Variants in ASIC2 observed in about 807,000 individuals in gnomAD.
The protein encoded by ASIC2 is acid sensing ion channel subunit 2, also known as acid-sensing ion channel 2.
Under a neutral mutation model 57.3 loss-of-function variants are expected in ASIC2, and 25 were observed. The ratio of observed to expected loss-of-function variants is 0.44; its 90% CI spans 0.32 to 0.61. The LOEUF is 0.61. ASIC2 is among the 20% of genes least tolerant of loss of function. ASIC2 has a pLI of 0.06. For missense variants in ASIC2, 641 were observed against 738.1 expected (o/e 0.87, Z 1.52); for synonymous variants, 319 against 307.5 (o/e 1.04, Z -0.39).
chr17:33,376,540 G>A (rs1909283553), intron 1 of ASIC2, among the ~76,000 whole-genome samples: 1 of 152,108 alleles, frequency 6.6e-6, no homozygotes, highest in Non-Finnish European at 1.5e-5. Context: ...TTCTTTAGGT[G>A]TTTTATGCAT....
At chr17:34,120,051 T>C (rs1281570888) in intron 1 of ASIC2, 1 of 152,188 alleles carries the variant, frequency 6.6e-6, no homozygotes, top group African/African-American at 2.4e-5. Context: ...GCAATTGCAG[T>C]TTTTGTCATG....
chr17:33,291,669 C>G lies in ASIC2; in HGVS notation c.447G>C (p.Gly149=). The G allele has an allele frequency of 1.2e-6, 2 of 1,613,158 alleles. No homozygotes were observed. Among genetic ancestry groups the G allele is most frequent in the South Asian group, 2.2e-5 (2 of 91,048 alleles). ...GCCAGTGGCCGGCATAGTAGAGGTC[C>G]CCCTTGGAGAGGCGCGGGAAGCGCA... ...NPLRFPRLSK[G]DLYYAGHWLG... The change falls in exon 1 of 10, where the codon GGG becomes GGC. Residue 149 remains glycine, a synonymous_variant. Transcript: ENST00000225823.
intron 1 of ASIC2, among the ~76,000 whole-genome samples, chr17:33,199,487 C>T (rs1906768890): frequency 1.3e-5 from 2 of 152,154 alleles, no homozygotes; most frequent in Admixed American, 1.3e-4. Flanking sequence ...ACTGGGTACA[C>T]AAACTCTCTT....
At chr17:33,094,354 C>G (rs1381666125) in intron 2 of ASIC2, among the ~76,000 whole-genome samples, 1 of 152,180 alleles carries the variant, frequency 6.6e-6, no homozygotes. Context: ...CATAGTGTCT[C>G]TCTCTGGGTT....
At chr17:33,484,150 A>C (rs1386867571) in intron 1 of ASIC2, among the ~76,000 whole-genome samples, 1 of 152,274 alleles carries the variant, frequency 6.6e-6, no homozygotes, top group East Asian at 1.9e-4. Context: ...TCTGACCTCC[A>C]GAACTACAAC....
At chr17:33,808,730 T>A (rs1912336427) in intron 1 of ASIC2, among the ~76,000 whole-genome samples, 1 of 152,180 alleles carries the variant, frequency 6.6e-6, no homozygotes, top group Admixed American at 6.5e-5. Flanking sequence ...CTTGATACCC[T>A]CTACTAAGGC....
chr17:33,163,557 G>A (rs1905222820), intron 1 of ASIC2, among the ~76,000 whole-genome samples: 1 of 152,098 alleles, frequency 6.6e-6, no homozygotes. Flanking sequence ...GGCATACGAT[G>A]CCAAGTGATT....
At chr17:33,242,293 G>C (rs1597647317) in intron 1 of ASIC2, among the ~76,000 whole-genome samples, 2 of 150,946 alleles carry the variant, frequency 1.3e-5, no homozygotes, top group South Asian at 4.2e-4. Flanking sequence ...CTTCAGCCTG[G>C]GGACAGAGCG....
chr17:33,313,181 C>G (rs187775075), intron 1 of ASIC2, among the ~76,000 whole-genome samples: 19 of 151,902 alleles, frequency 1.3e-4, no homozygotes, highest in African/African-American at 4.3e-4. Context: ...AAAAAATTAG[C>G]CAGGCATAGT....
chr17:33,595,905 T>C (rs1168474635), intron 1 of ASIC2, among the ~76,000 whole-genome samples: 2 of 152,180 alleles, frequency 1.3e-5, no homozygotes, highest in Non-Finnish European at 2.9e-5. Context: ...GCTCTACTTA[T>C]TTTCTGGAGC....
chr17:33,423,808 C>T (rs1229976035), intron 1 of ASIC2, among the ~76,000 whole-genome samples: 1 of 152,226 alleles, frequency 6.6e-6, no homozygotes, highest in Non-Finnish European at 1.5e-5. Flanking sequence ...TGACACTGGT[C>T]AGTGTGTGGC....
At chr17:33,421,058 G>T (rs569846133) in intron 1 of ASIC2, among the ~76,000 whole-genome samples, 193 of 152,330 alleles carry the variant, frequency 1.3e-3, no homozygotes, top group African/African-American at 4.4e-3. Flanking sequence ...GAGCAGTGTA[G>T]TTTTGGTAGA....
chr17:33,526,085 C>A (rs186563882), intron 1 of ASIC2, among the ~76,000 whole-genome samples: 16 of 152,236 alleles, frequency 1.1e-4, no homozygotes, highest in Admixed American at 1.3e-4. Context: ...AGGAATTCAG[C>A]CCCAAGTAAA....
intron 1 of ASIC2, among the ~76,000 whole-genome samples, chr17:33,200,395 T>C (rs1259947899): frequency 6.6e-6 from 1 of 152,128 alleles, no homozygotes; most frequent in Non-Finnish European, 1.5e-5. Context: ...GCCCACTCCC[T>C]TAACCTCTCT....
intron 1 of ASIC2, among the ~76,000 whole-genome samples, chr17:33,129,904 G>T (rs953054438): frequency 2.0e-5 from 3 of 152,204 alleles, no homozygotes; most frequent in Non-Finnish European, 4.4e-5. Context: ...TTTGCAAATG[G>T]TCGTGGTTTT....
chr17:33,040,391 T>C (rs1347712669), intron 3 of ASIC2, among the ~76,000 whole-genome samples: 1 of 152,218 alleles, frequency 6.6e-6, no homozygotes, highest in African/African-American at 2.4e-5. Flanking sequence ...TGGCTGGTGG[T>C]GTGAGAAGAG....
chr17:33,701,952 A>G (rs573282171), intron 1 of ASIC2, among the ~76,000 whole-genome samples: 9 of 152,216 alleles, frequency 5.9e-5, no homozygotes, highest in Non-Finnish European at 1.2e-4. Context: ...TTCTGCAGAC[A>G]TAGAAGTTCT....
chr17:33,405,027 G>T (rs1412848452), intron 1 of ASIC2, among the ~76,000 whole-genome samples: 1 of 150,716 alleles, frequency 6.6e-6, no homozygotes, highest in East Asian at 1.9e-4. Context: ...TGTCTTGAAC[G>T]CCAGGACACT....
intron 1 of ASIC2, among the ~76,000 whole-genome samples, chr17:33,815,388 C>A (rs938447895): frequency 6.6e-6 from 1 of 152,214 alleles, no homozygotes; most frequent in African/African-American, 2.4e-5. Flanking sequence ...GAGTTCCAAT[C>A]CTCCAGCACT....
Sources: allele counts gnomAD v4.1 joint callset (sites outside exome capture counted in the v4.1 genomes callset), GRCh38; gene constraint gnomAD v4.1.1; transcripts MANE v1.5; gene names NCBI Gene and HGNC (gene_info 2026-07-23, HGNC 2026-07-21).